The following RPA1 variants were observed in gnomAD, a reference collection of about 807,000 sequenced individuals.
RPA1 encodes the protein replication protein A1.
RPA1 carries 49 observed loss-of-function variants against 83.0 expected under a neutral mutation model. The observed-to-expected ratio is 0.59, with a 90% CI of 0.47 to 0.75. RPA1 has a LOEUF of 0.75. Ranked by LOEUF, RPA1 falls within the 30% of genes least tolerant of loss-of-function variation. The probability of loss-of-function intolerance (pLI) is 0.00; values close to 1 mark genes in which losing one functional copy is unlikely to be tolerated. For missense variants in RPA1, 693 were observed against 776.1 expected, an observed-to-expected ratio of 0.89 and a Z score of 1.27; for synonymous variants, 279 against 281.8, an observed-to-expected ratio of 0.99 and a Z score of 0.10.
Position 1,891,955 on chromosome 17 carries a change from TTATTA to T in RPA1, c.1659+18_1659+22del, listed in dbSNP as rs770684673. ...TAAAAGACAAGGTCAGCCACATATT[TTATTA>T]TAACTTCTATAACTTTTAATGGTTC... On this transcript the variant is annotated intron_variant, in intron 15 of 16. Coordinates refer to ENST00000254719, the MANE Select transcript of RPA1 (RefSeq NM_002945.5). The T allele has an allele frequency of 8.6e-5, 133 of 1,542,420 alleles. No individual in the cohort carries two copies. The African/African-American group carries it at 1.7e-3, about 20-fold the overall frequency.
chr17:1,840,530 C>T (rs1425487920), intron 1 of RPA1, among the ~76,000 whole-genome samples: 1 of 152,030 alleles, frequency 6.6e-6, no homozygotes, highest in East Asian at 1.9e-4. Context: ...TCGTGATCCT[C>T]CCACCTTGGC....
intron 5 of RPA1, among the ~76,000 whole-genome samples, chr17:1,861,102 C>G (rs1912943924): frequency 6.6e-6 from 1 of 152,194 alleles, no homozygotes; most frequent in African/African-American, 2.4e-5. Context: ...AGATGATTCT[C>G]ACCCTGGCCT....
At chr17:1,882,512 G>A (rs1010189251) in intron 12 of RPA1, among the ~76,000 whole-genome samples, 5 of 151,908 alleles carry the variant, frequency 3.3e-5, no homozygotes, top group African/African-American at 7.3e-5. Flanking sequence ...AAAATCAGCC[G>A]GGCCTGTAGT....
intron 6 of RPA1, among the ~76,000 whole-genome samples, chr17:1,874,010 AAAAT>A (rs1275391263): frequency 3.1e-4 from 31 of 100,942 alleles, no homozygotes; most frequent in African/African-American, 5.8e-4. Flanking sequence ...AAAAAAAAAA[AAAAT>A]ATATATATAT....
At chr17:1,888,276 T>G (rs182293690) in intron 13 of RPA1, among the ~76,000 whole-genome samples, 2 of 152,364 alleles carry the variant, frequency 1.3e-5, no homozygotes, top group Admixed American at 6.5e-5. Flanking sequence ...ACTGGGTGTT[T>G]GTGGTCCGCA....
intron 1 of RPA1, among the ~76,000 whole-genome samples, chr17:1,832,477 C>G (rs1911656435): frequency 6.6e-6 from 1 of 152,094 alleles, no homozygotes; most frequent in Admixed American, 6.6e-5. Context: ...ACCTCCGCCT[C>G]CTGGGTTCAA....
chr17:1,877,214 G>A lies in RPA1; in HGVS notation c.590G>A (p.Trp197Ter). Residue 197 changes from tryptophan to a stop codon, truncating the protein, a stop_gained and splice_region_variant, in exon 8 of 17, where the codon TGG becomes TAG. Transcript: ENST00000254719. LOFTEE classifies it high-confidence loss of function. ...IASLTPYQSK[W>*]TICARVTNKS... The stretch of plus-strand genomic sequence containing the variant: ...AATATGATCGATTTGGTTTGTAGGT[G>A]GACCATTTGTGCTCGTGTTACCAAC... 6.2e-7 allele frequency: 1 copy of A among 1,613,970 alleles called. No homozygotes were observed. The highest frequency in any genetic ancestry group is 8.5e-7 in the Non-Finnish European group (1 of 1,179,868).
At chr17:1,844,515 G>A (rs1444112774) in intron 3 of RPA1, 63 bp from the exon 4 acceptor site, 7 of 1,287,996 alleles carry the variant, frequency 5.4e-6, no homozygotes, top group African/African-American at 4.4e-5. Context: ...ACAGGTATGA[G>A]TAGCTCTCAG....
intron 5 of RPA1, chr17:1,854,089 A>C (rs1868696610): frequency 6.6e-6 from 1 of 152,220 alleles, no homozygotes; most frequent in Admixed American, 6.5e-5. Flanking sequence ...AAATGTATAG[A>C]AAAGCACATT....
chr17:1,889,449 C>T (rs1374710161), intron 14 of RPA1, among the ~76,000 whole-genome samples: 1 of 151,918 alleles, frequency 6.6e-6, no homozygotes, highest in East Asian at 1.9e-4. Context: ...AGTCCTTCCA[C>T]CTTGGCCTCC....
In RPA1 at chr17:1,898,246, GAAAACACTA is replaced by G. The variant is rs1420882048; in HGVS notation, c.*1078_*1086del. The G allele has an allele frequency of 1.3e-5, 2 of 152,164 alleles. No homozygotes were observed. Among genetic ancestry groups the G allele is most frequent in the Non-Finnish European group, 2.9e-5 (2 of 68,034 alleles). 9.4% of individuals were successfully genotyped at this position (152,164 alleles called of 1,614,324 possible). A position where few individuals can be genotyped will look rare whatever the true frequency, so the allele number is the denominator to read the frequency against. On this transcript the variant is annotated 3_prime_UTR_variant, in exon 17 of 17. Coordinates refer to ENST00000254719, the MANE Select transcript of RPA1 (RefSeq NM_002945.5). ...CCCTGAAATGCATCTTTCAAAGCAT[GAAAACACTA>G]AAAACAAAAAGCCATTTTGCCTGAG... is the stretch of plus-strand genomic sequence containing the variant.
chr17:1,831,670 C>T (rs1025714291), intron 1 of RPA1, among the ~76,000 whole-genome samples: 2 of 150,238 alleles, frequency 1.3e-5, no homozygotes, highest in Non-Finnish European at 3.0e-5. Flanking sequence ...GCGATCTCGG[C>T]TCACTGCAAG....
At chr17:1,872,786 C>T (rs1319753910) in intron 6 of RPA1, among the ~76,000 whole-genome samples, 3 of 142,566 alleles carry the variant, frequency 2.1e-5, no homozygotes, top group Non-Finnish European at 3.0e-5. Context: ...CATCACAGCT[C>T]GTTGCAGCCT....
chr17:1,851,894 GCAGT>G (rs1372615765), intron 4 of RPA1, among the ~76,000 whole-genome samples: 3 of 152,146 alleles, frequency 2.0e-5, no homozygotes, highest in African/African-American at 7.2e-5. Context: ...CCAAATTATA[GCAGT>G]CAGACCATTT....
At chr17:1,848,454 T>C (rs1912348713) in intron 4 of RPA1, among the ~76,000 whole-genome samples, 1 of 150,774 alleles carries the variant, frequency 6.6e-6, no homozygotes, top group Non-Finnish European at 1.5e-5. Context: ...CTACTAAAAA[T>C]ACAAAAATCA....
At chr17:1,850,980 C>T (rs1386569834) in intron 4 of RPA1, among the ~76,000 whole-genome samples, 3 of 151,652 alleles carry the variant, frequency 2.0e-5, no homozygotes, top group South Asian at 2.1e-4. Context: ...TAAACATCTA[C>T]AAACATAGAC....
intron 6 of RPA1, among the ~76,000 whole-genome samples, chr17:1,873,185 A>G (rs920666515): frequency 6.6e-6 from 1 of 152,008 alleles, no homozygotes; most frequent in African/African-American, 2.4e-5. Flanking sequence ...CGAGTTTCCT[A>G]TTTTGGGCCT....
chr17:1,856,399 C>G (rs1354705424), intron 5 of RPA1, among the ~76,000 whole-genome samples: 3 of 151,652 alleles, frequency 2.0e-5, no homozygotes, highest in Non-Finnish European at 4.4e-5. Context: ...GAGTTGGAGA[C>G]CAGCCTGGCC....
rs1210522982 is a variant in RPA1 at position 1,857,933 on chromosome 17, T to C, written c.361+4744T>C. On this transcript the variant is annotated intron_variant, in intron 5 of 16. Coordinates refer to ENST00000254719, the MANE Select transcript of RPA1 (RefSeq NM_002945.5). ...GGAGATCTGAAAATACAAAAGGATC[T>C]AAACAAATAAGGAGAACTTTTCCCA... The C allele has an allele frequency of 1.9e-6, 3 of 1,579,878 alleles. No homozygotes were observed. In the African/African-American group the frequency reaches 4.1e-5, roughly 22 times the overall value.
Sources: allele counts gnomAD v4.1 joint callset (sites outside exome capture counted in the v4.1 genomes callset), GRCh38; gene constraint gnomAD v4.1.1; transcripts MANE v1.5; gene names NCBI Gene and HGNC (gene_info 2026-07-23, HGNC 2026-07-21).